RXRG: variants seen among roughly 807,000 people sequenced by gnomAD.
RXRG encodes the protein retinoic acid receptor RXR-gamma.
A neutral mutation model predicts 49.2 loss-of-function variants in RXRG; 19 were observed. That is an observed-to-expected ratio of 0.39 (90% confidence interval 0.27 to 0.57). RXRG has a LOEUF of 0.57. Among genes scored for constraint, RXRG ranks in the 20% least tolerant of loss-of-function variants. The probability of loss-of-function intolerance (pLI) is 0.64; values close to 1 mark genes in which losing one functional copy is unlikely to be tolerated. For synonymous variants in RXRG, 224 were observed against 216.6 expected, an observed-to-expected ratio of 1.03 and a Z score of -0.30; for missense variants, 452 against 592.5, an observed-to-expected ratio of 0.76 and a Z score of 2.46.
At chr1:165,429,650 G>A (rs1214826059) in intron 1 of RXRG, among the ~76,000 whole-genome samples, 1 of 152,172 alleles carries the variant, frequency 6.6e-6, no homozygotes, top group Non-Finnish European at 1.5e-5. Flanking sequence ...GCACTCAGGG[G>A]AGAAGACTTG....
intron 9 of RXRG, among the ~76,000 whole-genome samples, chr1:165,401,836 T>C (rs1453009996): frequency 6.6e-6 from 1 of 152,236 alleles, no homozygotes; most frequent in African/African-American, 2.4e-5. Context: ...CAACCCATGG[T>C]AGCTGTCACC....
intron 7 of RXRG, 39 bp downstream of exon 7, chr1:165,409,519 A>T: frequency 7.1e-7 from 1 of 1,414,808 alleles, no homozygotes; most frequent in South Asian, 1.8e-5. Context: ...ACACACACAC[A>T]CATAATACAC....
intron 2 of RXRG, chr1:165,424,669 A>G: frequency 2.1e-6 from 1 of 481,842 alleles, no homozygotes; most frequent in Non-Finnish European, 2.7e-6. Context: ...ATGAAATGAC[A>G]GAGCACAGAG....
chr1:165,444,324 C>T (rs527259401), intron 1 of RXRG, among the ~76,000 whole-genome samples: 52 of 152,170 alleles, frequency 3.4e-4, no homozygotes, highest in Non-Finnish European at 6.6e-4. Flanking sequence ...CAAATTAAAG[C>T]ACTATGTTTT....
intron 1 of RXRG, among the ~76,000 whole-genome samples, chr1:165,437,605 G>C (rs1263677636): frequency 6.6e-6 from 1 of 152,270 alleles, no homozygotes; most frequent in East Asian, 1.9e-4. Flanking sequence ...GTAATGGACA[G>C]AGGTCATGGA....
chr1:165,422,100 G>T (rs1658339241), intron 2 of RXRG, among the ~76,000 whole-genome samples: 1 of 152,114 alleles, frequency 6.6e-6, no homozygotes, highest in Non-Finnish European at 1.5e-5. Flanking sequence ...ACCACCTGAG[G>T]TTCAAGGGGT....
chr1:165,428,156 T>G (rs899551341), intron 2 of RXRG, among the ~76,000 whole-genome samples: 6 of 152,094 alleles, frequency 3.9e-5, no homozygotes, highest in Non-Finnish European at 8.8e-5. Context: ...ACATACTTCT[T>G]CTCCTCCATC....
chr1:165,441,335 A>C (rs546243961), intron 1 of RXRG, among the ~76,000 whole-genome samples: 1 of 152,294 alleles, frequency 6.6e-6, no homozygotes, highest in East Asian at 1.9e-4. Context: ...GTATTGGAGC[A>C]CCGGGAGCTC....
intron 4 of RXRG, among the ~76,000 whole-genome samples, chr1:165,413,275 C>A (rs1213503355): frequency 6.6e-6 from 1 of 152,188 alleles, no homozygotes; most frequent in African/African-American, 2.4e-5. Context: ...TAAAACCAAA[C>A]TTCTGCCTTA....
At chr1:165,412,143 G>T (rs1236996418) in intron 4 of RXRG, among the ~76,000 whole-genome samples, 1 of 152,176 alleles carries the variant, frequency 6.6e-6, no homozygotes, top group Non-Finnish European at 1.5e-5. Context: ...ATGAGCCCCA[G>T]AGGCTGCAGA....
At chr1:165,408,146 G>T in intron 8 of RXRG, 81 bp downstream of exon 8, 3 of 1,037,888 alleles carry the variant, frequency 2.9e-6, no homozygotes, top group South Asian at 1.3e-5. Context: ...TGAGATGGAG[G>T]ACCAATAACA....
intron 5 of RXRG, 48 bp downstream of exon 5, chr1:165,410,901 A>T: frequency 6.2e-7 from 1 of 1,613,166 alleles, no homozygotes; most frequent in South Asian, 1.1e-5. Context: ...TCCCATTTCC[A>T]GCCCTACCCA....
At chr1:165,429,812 G>T (rs1438707484) in intron 1 of RXRG, among the ~76,000 whole-genome samples, 1 of 152,164 alleles carries the variant, frequency 6.6e-6, no homozygotes, top group African/African-American at 2.4e-5. Context: ...GAGGTCATCA[G>T]TATCACTTTC....
Position 165,428,737 on chromosome 1 carries a change from A to G in RXRG, c.279T>C (p.Val93=). 1 of 1,600,392 alleles carries G rather than the reference A, an allele frequency of 6.2e-7. No homozygotes were observed. Among genetic ancestry groups the G allele is most frequent in the South Asian group, 1.1e-5 (1 of 90,000 alleles). Residue 93 remains valine, a synonymous_variant, in exon 2 of 10, where the codon GTT becomes GTC. Coordinates refer to ENST00000359842, the MANE Select transcript of RXRG (RefSeq NM_006917.5). ...CACTTACCTGAGAGCTGGGTGGGGC[A>G]ACCAAGTTGATTCCTGGAGGCGCTG... ...ALAAPPGINL[V]APPSSQLNVV... is the part of the protein sequence containing the mutation.
Position 165,401,328 on chromosome 1 carries a change from T to C in RXRG, c.1327A>G (p.Ile443Val). Reference sequence around the variant, plus strand: ...AAGGTGTCAATGGGGGTGTCCCCGATGAGCTTGAAGAAGAAGAGGTGCTCC... The same window carrying C: ...AAGGTGTCAATGGGGGTGTCCCCGACGAGCTTGAAGAAGAAGAGGTGCTCC... ...CLEHLFFFKL[I>V]GDTPIDTFLM... Residue 443 changes from isoleucine to valine, a missense_variant, in exon 10 of 10, where the codon ATC becomes GTC. Ile to Val is a conservative substitution (Grantham distance 29). This residue lies in a region of RXRG where 286 missense variants were observed against 440.9 expected (regional missense o/e 0.65). Coordinates refer to ENST00000359842, the MANE Select transcript of RXRG (RefSeq NM_006917.5). The C allele has an allele frequency of 1.2e-6, 2 of 1,614,128 alleles. No individual in the cohort carries two copies. Among genetic ancestry groups the C allele is most frequent in the Non-Finnish European group, 1.7e-6 (2 of 1,180,022 alleles).
At chr1:165,404,918 C>G (rs1487528843) in intron 9 of RXRG, among the ~76,000 whole-genome samples, 3 of 152,114 alleles carry the variant, frequency 2.0e-5, no homozygotes, top group Non-Finnish European at 4.4e-5. Flanking sequence ...GCCACCACAC[C>G]TGGCTAATTT....
At chr1:165,418,567 G>T (rs902758622) in intron 3 of RXRG, among the ~76,000 whole-genome samples, 1 of 152,150 alleles carries the variant, frequency 6.6e-6, no homozygotes, top group South Asian at 2.1e-4. Flanking sequence ...CTGAAGAAAA[G>T]CCAGCCTTTG....
intron 1 of RXRG, among the ~76,000 whole-genome samples, chr1:165,429,964 C>T (rs568108503): frequency 6.6e-6 from 1 of 152,258 alleles, no homozygotes; most frequent in East Asian, 1.9e-4. Context: ...GGATCTGTAG[C>T]AGCAAAGCAG....
chr1:165,438,053 C>T (rs12043501), intron 1 of RXRG, among the ~76,000 whole-genome samples: 22,689 of 152,130 alleles, frequency 0.15, 1,748 homozygotes, highest in South Asian at 0.29. Context: ...GAATAATTTC[C>T]GCCTTACGGA....
Sources: gnomAD v4.1 joint callset for allele counts (sites outside exome capture counted in the v4.1 genomes callset) on GRCh38, gnomAD v4.1.1 for gene constraint, gnomAD v4.1.1 regional missense constraint, MANE v1.5 for transcripts, NCBI Gene and HGNC (gene_info 2026-07-23, HGNC 2026-07-21) for gene names.